ASCC3: variants seen among roughly 807,000 people sequenced by gnomAD.
The protein encoded by ASCC3 is ASC-1 complex subunit P200.
Under a neutral mutation model 256.3 loss-of-function variants are expected in ASCC3, and 158 were observed. The ratio of observed to expected loss-of-function variants is 0.62; its 90% CI spans 0.54 to 0.70. ASCC3 has a LOEUF of 0.70. ASCC3 is among the 30% of genes least tolerant of loss of function. The probability of loss-of-function intolerance (pLI) is 0.00; values close to 1 mark genes in which losing one functional copy is unlikely to be tolerated. For missense variants in ASCC3, 2,259 were observed against 2,626.0 expected (o/e 0.86, Z 3.05); for synonymous variants, 948 against 883.4 (o/e 1.07, Z -1.30).
chr6:100,584,704 T>A (rs969001514), intron 36 of ASCC3, among the ~76,000 whole-genome samples: 12 of 152,222 alleles, frequency 7.9e-5, no homozygotes, highest in Non-Finnish European at 1.3e-4. Flanking sequence ...TTTGGCATGA[T>A]TTTGCAGCGG....
chr6:100,747,820 G>A (rs547046145), intron 10 of ASCC3, among the ~76,000 whole-genome samples: 2 of 152,072 alleles, frequency 1.3e-5, no homozygotes, highest in East Asian at 3.9e-4. Flanking sequence ...TTTTTAAAAT[G>A]TATATTTTGT....
At chr6:100,677,579 G>C (rs1777088246) in intron 14 of ASCC3, among the ~76,000 whole-genome samples, 1 of 152,006 alleles carries the variant, frequency 6.6e-6, no homozygotes, top group South Asian at 2.1e-4. Context: ...CAATGGTACA[G>C]GTCAGATGAG....
chr6:100,854,356 C>G (rs997775096), intron 3 of ASCC3, among the ~76,000 whole-genome samples: 6 of 152,032 alleles, frequency 3.9e-5, no homozygotes, highest in African/African-American at 1.4e-4. Context: ...AGAGTATAAA[C>G]TCTTTCCGTG....
chr6:100,692,479 C>T (rs142984830), intron 13 of ASCC3, among the ~76,000 whole-genome samples: 1 of 151,998 alleles, frequency 6.6e-6, no homozygotes, highest in African/African-American at 2.4e-5. Flanking sequence ...CAGTTAGAAA[C>T]TTGAAAAAAA....
At chr6:100,512,555 C>T (rs577215896) in intron 40 of ASCC3, among the ~76,000 whole-genome samples, 154 bp downstream of exon 40, 4 of 152,224 alleles carry the variant, frequency 2.6e-5, no homozygotes, top group South Asian at 4.2e-4. Flanking sequence ...GGAGAACTCA[C>T]GAATTTCAAA....
Position 100,509,240 on chromosome 6 carries a change from C to G in ASCC3, c.*146G>C. On this transcript the variant is annotated 3_prime_UTR_variant, in exon 42 of 42. Transcript: ENST00000369162. ...GTGGTTAACTTTATGTCACTGGAGT[C>G]AATACTGCAGCCACTGTCAATTTCC... 1 of 1,064,090 alleles carries G rather than the reference C, an allele frequency of 9.4e-7. No individual in the cohort carries two copies. The highest frequency in any genetic ancestry group is 1.4e-6 in the Non-Finnish European group (1 of 697,444). 65.9% of individuals were successfully genotyped at this position (1,064,090 alleles called of 1,614,324 possible). A position where few individuals can be genotyped will look rare whatever the true frequency, so the allele number is the denominator to read the frequency against.
chr6:100,579,735 G>A (rs548858540), intron 36 of ASCC3, among the ~76,000 whole-genome samples: 24 of 152,188 alleles, frequency 1.6e-4, no homozygotes, highest in Non-Finnish European at 3.1e-4. Context: ...CTGTAGCCTT[G>A]TAGTATAGTT....
At chr6:100,583,836 C>T (rs374416449) in intron 36 of ASCC3, among the ~76,000 whole-genome samples, 7 of 152,110 alleles carry the variant, frequency 4.6e-5, no homozygotes, top group African/African-American at 9.7e-5. Context: ...GCCTTCATTT[C>T]GTTATGTACC....
chr6:100,865,124 G>A (rs1422514626), intron 2 of ASCC3, among the ~76,000 whole-genome samples: 1 of 152,126 alleles, frequency 6.6e-6, no homozygotes, highest in African/African-American at 2.4e-5. Flanking sequence ...AGGAGAATGG[G>A]CAAAGGTAGA....
intron 36 of ASCC3, among the ~76,000 whole-genome samples, chr6:100,548,888 T>C (rs927322986): frequency 6.6e-6 from 1 of 151,968 alleles, no homozygotes; most frequent in Non-Finnish European, 1.5e-5. Context: ...ATATATACTA[T>C]GTTTTTCCTA....
chr6:100,861,443 G>A (rs933481867), intron 3 of ASCC3, among the ~76,000 whole-genome samples: 3 of 151,842 alleles, frequency 2.0e-5, no homozygotes, highest in Admixed American at 1.3e-4. Context: ...TACAATTATA[G>A]CAAAATTGTC....
chr6:100,746,814 G>A (rs907732736), intron 10 of ASCC3, among the ~76,000 whole-genome samples: 3 of 152,202 alleles, frequency 2.0e-5, no homozygotes, highest in South Asian at 2.1e-4. Flanking sequence ...AAAATCATGA[G>A]TATGGTATTA....
chr6:100,658,558 A>G (rs1356684909), intron 16 of ASCC3, among the ~76,000 whole-genome samples: 1 of 151,474 alleles, frequency 6.6e-6, no homozygotes, highest in East Asian at 1.9e-4. Context: ...ATGGGGCTGA[A>G]TATCAACAGA....
chr6:100,851,140 G>A (rs191136237), intron 3 of ASCC3, among the ~76,000 whole-genome samples: 1 of 152,024 alleles, frequency 6.6e-6, no homozygotes, highest in Non-Finnish European at 1.5e-5. Flanking sequence ...AGTAATTAGG[G>A]AAAGATCAAA....
Position 100,795,652 on chromosome 6 carries a change from T to C in ASCC3, c.1395+3061A>G, listed in dbSNP as rs1241875831. 2.0e-5 allele frequency among the ~76,000 whole-genome samples: 3 copies of C among 152,278 alleles called. No homozygotes were observed. The East Asian group carries it at 5.8e-4, about 29-fold the overall frequency. On this transcript the variant is annotated intron_variant, in intron 8 of 41. Coordinates refer to ENST00000369162, the MANE Select transcript of ASCC3 (RefSeq NM_006828.4). ...TACAAAATCCATTTAATGACATTAATGGTATTTTTGCATGTACTAGAATTT... is the reference window on the plus strand; with the variant it reads ...TACAAAATCCATTTAATGACATTAACGGTATTTTTGCATGTACTAGAATTT...
intron 34 of ASCC3, 124 bp downstream of exon 34, chr6:100,601,686 T>G: frequency 9.1e-7 from 1 of 1,103,918 alleles, no homozygotes; most frequent in Non-Finnish European, 1.3e-6. Flanking sequence ...TTAGACAAAT[T>G]CATATACCTA....
At chr6:100,729,450 A>G (rs1779796323) in intron 10 of ASCC3, among the ~76,000 whole-genome samples, 1 of 152,222 alleles carries the variant, frequency 6.6e-6, no homozygotes, top group South Asian at 2.1e-4. Context: ...ACAACTAGCT[A>G]GGTAACGATG....
At chr6:100,681,454 C>T (rs1050254297) in intron 13 of ASCC3, among the ~76,000 whole-genome samples, 34 of 151,902 alleles carry the variant, frequency 2.2e-4, no homozygotes, top group Admixed American at 5.9e-4. Context: ...TAAGGCTGGG[C>T]GTGGTGGCTC....
chr6:100,708,596 C>G (rs186706429), intron 13 of ASCC3, among the ~76,000 whole-genome samples: 2 of 151,892 alleles, frequency 1.3e-5, no homozygotes, highest in Non-Finnish European at 2.9e-5. Flanking sequence ...ATATTTGGAG[C>G]GGGGAGAGCC....
Sources: gnomAD v4.1 joint callset for allele counts (sites outside exome capture counted in the v4.1 genomes callset) on GRCh38, gnomAD v4.1.1 for gene constraint, MANE v1.5 for transcripts, NCBI Gene and HGNC (gene_info 2026-07-23, HGNC 2026-07-21) for gene names.